The following DLG4 variants were observed in gnomAD, a reference collection of about 807,000 sequenced individuals.
The protein encoded by DLG4 is disks large homolog 4.
Under a neutral mutation model 93.8 loss-of-function variants are expected in DLG4, and 7 were observed. That is an observed-to-expected ratio of 0.07 (90% CI 0.04 to 0.14). DLG4 has a LOEUF of 0.14. Ranked by LOEUF, DLG4 falls within the 10% of genes least tolerant of loss-of-function variation. The pLI, the probability that DLG4 is intolerant of heterozygous loss-of-function variation, is 1.00. For missense variants in DLG4, 545 were observed against 992.9 expected, an observed-to-expected ratio of 0.55 and a Z score of 6.06; for synonymous variants, 341 against 387.6, an observed-to-expected ratio of 0.88 and a Z score of 1.41.
chr17:7,200,855 G>GT (rs1339836734), intron 8 of DLG4, among the ~76,000 whole-genome samples: 9 of 125,400 alleles, frequency 7.2e-5, no homozygotes, highest in South Asian at 2.7e-4. Flanking sequence ...AGCCTGTTTT[G>GT]GTTTTTTTTT....
At chr17:7,205,034 C>G (rs913922973) in intron 2 of DLG4, 2 of 985,390 alleles carry the variant, frequency 2.0e-6, no homozygotes, top group African/African-American at 3.5e-5. Flanking sequence ...GATCCGCTAG[C>G]CCCGCCTCTC....
intron 17 of DLG4, 59 bp downstream of exon 17, chr17:7,192,886 G>A: frequency 6.6e-7 from 1 of 1,509,528 alleles, no homozygotes; most frequent in South Asian, 1.3e-5. Flanking sequence ...AAGCTGGAGG[G>A]AGGCAGTGGG....
At chr17:7,210,018 G>A (rs2070647043) in intron 1 of DLG4, among the ~76,000 whole-genome samples, 1 of 152,172 alleles carries the variant, frequency 6.6e-6, no homozygotes, top group Non-Finnish European at 1.5e-5. Flanking sequence ...CTCTAGCCTG[G>A]CGACAGAGTG....
At chr17:7,218,236 C>G (rs1167983360), upstream of DLG4, 5 of 1,608,372 alleles carry the variant, frequency 3.1e-6, no homozygotes, top group East Asian at 9.0e-5. Flanking sequence ...CCCCCACCTC[C>G]TTACCTGACT....
chr17:7,196,284 T>C lies in DLG4; in HGVS notation c.1237A>G (p.Asn413Asp). ...GCAGTCCCTGAGCCCAGGCTGCTGT[T>C]CATGAGCTGTTCCCGAAGGTCGTGG... Reference protein sequence around the residue: ...KIHDLREQLMNSSLGSGTASL... With the variant: ...KIHDLREQLMDSSLGSGTASL... The change falls in exon 11 of 20, where the codon AAC (asparagine) becomes GAC (aspartate). Residue 413 changes from asparagine (N) to aspartate (D), a missense_variant. By Grantham distance (23) the Asn-to-Asp change is conservative. Around this residue, in one of 5 missense-constraint regions of DLG4, gnomAD observed 428 missense variants for 741.4 expected, o/e 0.58. Coordinates refer to ENST00000399506, the MANE Select transcript of DLG4 (RefSeq NM_001321075.3). This position sits in a 1 kb window ranked among gnomAD's most constrained non-coding sequence, Gnocchi z 8.3. 1.2e-6 allele frequency: 2 copies of C among 1,613,950 alleles called. No individual in the cohort carries two copies. Among genetic ancestry groups the C allele is most frequent in the Non-Finnish European group, 1.7e-6 (2 of 1,179,868 alleles).
Position 7,194,528 on chromosome 17 carries a change from G to A in DLG4, c.1302-33C>T, listed in dbSNP as rs114403556. ...GCAAGTGGCTATCGGTCAGAGCCCA[G>A]CTGAGGACTCCAGGAAGGATGCCCC... On this transcript the variant is annotated intron_variant, in intron 11 of 19. Transcript: ENST00000399506. This position sits in a 1 kb window ranked among gnomAD's most constrained non-coding sequence, Gnocchi z 4.4. The A allele has an allele frequency of 1.1e-3, 1,759 of 1,575,562 alleles. 16 individuals carry two copies. In the African/African-American group the frequency reaches 0.021, roughly 19 times the overall value.
chr17:7,205,801 C>T (rs1405396163), intron 2 of DLG4, among the ~76,000 whole-genome samples: 1 of 146,536 alleles, frequency 6.8e-6, no homozygotes, highest in African/African-American at 2.5e-5. Context: ...TCCCCCATCC[C>T]GCAGCCCGTC....
At chr17:7,210,918 C>A (rs929648181) in intron 1 of DLG4, among the ~76,000 whole-genome samples, 8 of 151,930 alleles carry the variant, frequency 5.3e-5, no homozygotes, top group African/African-American at 1.7e-4. Flanking sequence ...GCCCCCAATA[C>A]CTCTCCCTGC....
At chr17:7,212,720 T>A (rs1021446953) in intron 1 of DLG4, among the ~76,000 whole-genome samples, 2 of 152,050 alleles carry the variant, frequency 1.3e-5, no homozygotes, top group Admixed American at 1.3e-4. Context: ...TTGGGCAACA[T>A]AGTGAGATCC....
At chr17:7,218,547 AG>A (rs2071040527), upstream of DLG4, 1 of 1,559,862 alleles carries the variant, frequency 6.4e-7, no homozygotes, top group Admixed American at 1.9e-5. Flanking sequence ...TCACCCAGCA[AG>A]GCCTGGAAGA....
At chr17:7,202,853 G>A in intron 8 of DLG4, 50 bp downstream of exon 8, 1 of 1,609,680 alleles carries the variant, frequency 6.2e-7, no homozygotes, top group Middle Eastern at 1.7e-4. Flanking sequence ...GCATGTCATG[G>A]GTTAAACGGG....
chr17:7,190,963 C>CTTTTTTTTTTTTTTTT lies in DLG4; in HGVS notation c.2069-165_2069-150dup, dbSNP rs35868661. On this transcript the variant is annotated intron_variant, in intron 19 of 19. Transcript: ENST00000399506. ...GCTGCACCCGCCCACAGGGGCACCTCTTTTTTTTTTTTTTTTTTTTTTTTG... is the reference window on the plus strand; with the variant it reads ...GCTGCACCCGCCCACAGGGGCACCTCTTTTTTTTTTTTTTTTTTTTTTTTTTTTTTTTTTTTTTTTG... 1.0e-4 allele frequency: 35 copies of CTTTTTTTTTTTTTTTT among 348,568 alleles called. 2 individuals are homozygous for CTTTTTTTTTTTTTTTT. The African/African-American group carries it at 1.1e-3, about 11-fold the overall frequency. The allele number at this position is 348,568 out of a possible 1,614,324, so 21.6% of individuals were successfully genotyped here.
At chr17:7,201,781 C>G (rs569836493) in intron 8 of DLG4, among the ~76,000 whole-genome samples, 1 of 151,964 alleles carries the variant, frequency 6.6e-6, no homozygotes, top group Non-Finnish European at 1.5e-5. Flanking sequence ...CTCGGGAGGC[C>G]GGGGCAGCAG....
chr17:7,191,868 G>T lies in DLG4; in HGVS notation c.1976+25C>A. ...GGCCACAGGTGTTGGGGGAGCAAAG[G>T]GGAGGCCCCCAGGACCATACTCACA... On this transcript the variant is annotated intron_variant, in intron 18 of 19. Coordinates refer to ENST00000399506, the MANE Select transcript of DLG4 (RefSeq NM_001321075.3). This position sits in a 1 kb window ranked among gnomAD's most constrained non-coding sequence, Gnocchi z 6.6. 2 of 1,417,284 alleles carry T rather than the reference G, an allele frequency of 1.4e-6. No individual in the cohort carries two copies. The highest frequency in any genetic ancestry group is 1.9e-6 in the Non-Finnish European group (2 of 1,072,264). The allele number at this position is 1,417,284 out of a possible 1,614,324, so 87.8% of individuals were successfully genotyped here.
upstream of DLG4, chr17:7,219,515 T>C: frequency 9.4e-7 from 1 of 1,068,754 alleles, no homozygotes; most frequent in Non-Finnish European, 1.1e-6. Flanking sequence ...GTACCCTCCC[T>C]TTTGTGTTGG....
upstream of DLG4, chr17:7,218,677 C>T: frequency 6.5e-7 from 1 of 1,544,606 alleles, no homozygotes; most frequent in Non-Finnish European, 8.8e-7. Context: ...AGGGAAGATG[C>T]CAACACAGGA....
chr17:7,192,059 A>G, intron 17 of DLG4, 57 bp from the exon 18 acceptor site: 1 of 1,031,554 alleles, frequency 9.7e-7, no homozygotes, highest in Non-Finnish European at 1.4e-6. Context: ...AAGGACAGAG[A>G]GCAGTGCCGG....
Position 7,188,403 on chromosome 17 carries a change from T to C in DLG4, c.*2305A>G, listed in dbSNP as rs371525614. On this transcript the variant is annotated 3_prime_UTR_variant, in exon 20 of 20. Coordinates refer to ENST00000399506, the MANE Select transcript of DLG4 (RefSeq NM_001321075.3). Reference sequence around the variant, plus strand: ...AAATGCCCTTTTGCACTGTTTGGGATTTAACCACCATAACTCTTAGGGCCC... The same window carrying C: ...AAATGCCCTTTTGCACTGTTTGGGACTTAACCACCATAACTCTTAGGGCCC... 6.6e-6 allele frequency among the ~76,000 whole-genome samples: 1 copy of C among 152,136 alleles called. No individual in the cohort carries two copies. Among genetic ancestry groups the C allele is most frequent in the East Asian group, 1.9e-4 (1 of 5,194 alleles).
rs112139793 is a variant in DLG4, at chr17:7,187,806, C to T, written c.*2902G>A. Among the ~76,000 whole-genome samples the T allele has an allele frequency of 7.3e-5, 11 of 151,700 alleles. No homozygotes were observed. Among genetic ancestry groups the T allele is most frequent in the East Asian group, 3.9e-4 (2 of 5,098 alleles). On this transcript the variant is annotated 3_prime_UTR_variant, in exon 20 of 20. Coordinates refer to ENST00000399506, the MANE Select transcript of DLG4 (RefSeq NM_001321075.3). ...CATCAGGGCCAGGTGCAGTGGCTCACGCCTGTAATCCCAGCACTTTGGGAG... is the reference window on the plus strand; with the variant it reads ...CATCAGGGCCAGGTGCAGTGGCTCATGCCTGTAATCCCAGCACTTTGGGAG...
Sources: allele counts gnomAD v4.1 joint callset (sites outside exome capture counted in the v4.1 genomes callset), GRCh38; gene constraint gnomAD v4.1.1; regional missense constraint gnomAD v4.1.1; non-coding constraint Gnocchi (gnomAD v3.1); transcripts MANE v1.5; gene names NCBI Gene and HGNC (gene_info 2026-07-23, HGNC 2026-07-21).